RCSD1: variants seen among roughly 807,000 people sequenced by gnomAD.
RCSD1 encodes RCSD domain containing 1.
RCSD1 carries 26 observed loss-of-function variants against 42.5 expected under a neutral mutation model. The ratio of observed to expected loss-of-function variants is 0.61; its 90% confidence interval spans 0.45 to 0.85. The LOEUF is 0.85. RCSD1 is among the 40% of genes least tolerant of loss of function. The pLI is 0.00. For missense variants in RCSD1, 571 were observed against 528.3 expected, an observed-to-expected ratio of 1.08 and a Z score of -0.79; for synonymous variants, 220 against 212.2, an observed-to-expected ratio of 1.04 and a Z score of -0.32.
chr1:167,664,513 A>G (rs1417744318), intron 1 of RCSD1: 1 of 152,248 alleles, frequency 6.6e-6, no homozygotes. Flanking sequence ...TATATCTACA[A>G]TAAAATTCAC....
chr1:167,643,793 T>G (rs1453541368), intron 1 of RCSD1, among the ~76,000 whole-genome samples: 1 of 152,244 alleles, frequency 6.6e-6, no homozygotes, highest in Admixed American at 6.5e-5. Flanking sequence ...TGTAAAGTGC[T>G]TAGTGCGTTG....
chr1:167,676,809 G>C (rs1027527230), intron 1 of RCSD1, among the ~76,000 whole-genome samples: 1 of 152,226 alleles, frequency 6.6e-6, no homozygotes, highest in African/African-American at 2.4e-5. Flanking sequence ...AACCACTGAA[G>C]CAGCCAGGAC....
In RCSD1 at chr1:167,703,947, G is replaced by A. The variant is rs866923580; in HGVS notation, c.1219-717G>A. Among the ~76,000 whole-genome samples the A allele has an allele frequency of 6.6e-5, 10 of 152,120 alleles. No individual in the cohort carries two copies. The South Asian group carries it at 1.9e-3, about 28-fold the overall frequency. On this transcript the variant is annotated intron_variant, in intron 6 of 6. Transcript: ENST00000367854. ...CACAAGCCTTTTCTGATTGCTCTGA[G>A]GACAAATGCCCCCCTGCTCAGTATA...
At position 167,705,192 on chromosome 1, in the gene RCSD1, A is replaced by C. The variant is rs1363591291; in HGVS notation, c.*496A>C. Reference sequence around the variant, plus strand: ...AAACTAATTTTAGGTGGCCATAAACATAAAATAGAAACCCTGTAAGTTACA... The same window carrying C: ...AAACTAATTTTAGGTGGCCATAAACCTAAAATAGAAACCCTGTAAGTTACA... On this transcript the variant is annotated 3_prime_UTR_variant, in exon 7 of 7. Coordinates refer to ENST00000367854, the MANE Select transcript of RCSD1 (RefSeq NM_052862.4). 1 of 153,220 alleles carries C rather than the reference A, an allele frequency of 6.5e-6. No individual in the cohort carries two copies. Among genetic ancestry groups the C allele is most frequent in the African/African-American group, 2.4e-5 (1 of 41,468 alleles). 9.5% of individuals were successfully genotyped at this position (153,220 alleles called of 1,614,324 possible).
At chr1:167,678,491 C>A (rs778098244) in intron 1 of RCSD1, among the ~76,000 whole-genome samples, 3 of 150,216 alleles carry the variant, frequency 2.0e-5, no homozygotes, top group Non-Finnish European at 3.0e-5. Flanking sequence ...TCTTCTCTTT[C>A]CCTTGCTCAC....
chr1:167,634,941 AGT>A (rs68149146), intron 1 of RCSD1, among the ~76,000 whole-genome samples: 3,692 of 146,516 alleles, frequency 0.025, 147 homozygotes, highest in African/African-American at 0.081. Context: ...CTATGATGAG[AGT>A]GTGTGTGTGT....
intron 4 of RCSD1, among the ~76,000 whole-genome samples, chr1:167,690,899 A>C (rs934303603): frequency 1.3e-5 from 2 of 152,166 alleles, no homozygotes; most frequent in African/African-American, 4.8e-5. Context: ...CTGTGTGCCC[A>C]GAGCCCTCAC....
chr1:167,680,529 G>C (rs1659055680), intron 1 of RCSD1, among the ~76,000 whole-genome samples: 1 of 152,098 alleles, frequency 6.6e-6, no homozygotes, highest in Non-Finnish European at 1.5e-5. Flanking sequence ...CAGGAGTGCA[G>C]TGGTGCAGTG....
chr1:167,671,199 C>T (rs1044494441), intron 1 of RCSD1, among the ~76,000 whole-genome samples: 1 of 152,232 alleles, frequency 6.6e-6, no homozygotes, highest in African/African-American at 2.4e-5. Flanking sequence ...ATAAACTCCA[C>T]ATCTTGAAGC....
At chr1:167,687,808 T>C (rs1659272638) in intron 3 of RCSD1, among the ~76,000 whole-genome samples, 2 of 152,244 alleles carry the variant, frequency 1.3e-5, no homozygotes, top group African/African-American at 4.8e-5. Flanking sequence ...CAGCACCTGC[T>C]GACTGCAGGG....
At chr1:167,673,443 C>T (rs1004705964) in intron 1 of RCSD1, among the ~76,000 whole-genome samples, 5 of 152,236 alleles carry the variant, frequency 3.3e-5, no homozygotes, top group African/African-American at 9.6e-5. Context: ...CCAAGCACTT[C>T]CCATGTGCTC....
Position 167,638,036 on chromosome 1 carries a change from A to T in RCSD1, c.6+7607A>T, listed in dbSNP as rs1295081862. On this transcript the variant is annotated intron_variant, in intron 1 of 6. Transcript: ENST00000367854. ...GAATTTGCATCTCACAATGTGCCGC[A>T]GCAGGCTTTGGGCCTCCTCTGAGCC... Among the ~76,000 whole-genome samples, 5 of 152,352 alleles carry T rather than the reference A, an allele frequency of 3.3e-5. No homozygotes were observed. In the East Asian group the frequency reaches 9.6e-4, roughly 29 times the overall value.
chr1:167,658,805 AT>A (rs111889818), intron 1 of RCSD1, among the ~76,000 whole-genome samples: 136 of 147,322 alleles, frequency 9.2e-4, no homozygotes, highest in African/African-American at 2.8e-3. Context: ...TTTTTATGGT[AT>A]TTTTTTTTTG....
chr1:167,685,031 A>G (rs777338733), intron 2 of RCSD1, among the ~76,000 whole-genome samples: 1 of 152,230 alleles, frequency 6.6e-6, no homozygotes, highest in Non-Finnish European at 1.5e-5. Context: ...GATCAGGTTC[A>G]TAATTTCTAG....
chr1:167,672,483 T>C (rs930323335), intron 1 of RCSD1, among the ~76,000 whole-genome samples: 3 of 152,184 alleles, frequency 2.0e-5, no homozygotes, highest in Non-Finnish European at 4.4e-5. Context: ...GAAGAAACCA[T>C]TTTCTTGCCT....
chr1:167,637,855 C>T (rs1277206994), intron 1 of RCSD1, among the ~76,000 whole-genome samples: 2 of 152,128 alleles, frequency 1.3e-5, no homozygotes, highest in East Asian at 1.9e-4. Context: ...GAAAAGTCAG[C>T]GTTTCTCCTG....
chr1:167,689,925 G>A (rs780647802), intron 3 of RCSD1, 124 bp from the exon 4 acceptor site: 2 of 857,294 alleles, frequency 2.3e-6, no homozygotes, highest in Non-Finnish European at 3.8e-6. Context: ...GTGGGCTACT[G>A]AACTAATGAG....
chr1:167,640,137 G>A (rs1475074433), intron 1 of RCSD1, among the ~76,000 whole-genome samples: 2 of 152,214 alleles, frequency 1.3e-5, no homozygotes, highest in Non-Finnish European at 2.9e-5. Context: ...AGTGGAGTTG[G>A]CAGGTGTATG....
At chr1:167,634,232 A>AG (rs1413831195) in intron 1 of RCSD1, among the ~76,000 whole-genome samples, 1 of 152,208 alleles carries the variant, frequency 6.6e-6, no homozygotes, top group Non-Finnish European at 1.5e-5. Flanking sequence ...TTAGAACACT[A>AG]GGCAGAACTG....
Sources: gnomAD v4.1 joint callset for allele counts (sites outside exome capture counted in the v4.1 genomes callset) on GRCh38, gnomAD v4.1.1 for gene constraint, MANE v1.5 for transcripts, NCBI Gene and HGNC (gene_info 2026-07-23, HGNC 2026-07-21) for gene names.